LRRTM4: variants seen among roughly 807,000 people sequenced by gnomAD.
LRRTM4 encodes leucine-rich repeat transmembrane neuronal protein 4.
Under a neutral mutation model 47.6 loss-of-function variants are expected in LRRTM4, and 25 were observed. The ratio of observed to expected loss-of-function variants is 0.53; its 90% CI spans 0.38 to 0.73. LRRTM4 has a LOEUF of 0.73. Ranked by LOEUF, LRRTM4 falls within the 30% of genes least tolerant of loss-of-function variation. The pLI is 0.00. For missense variants in LRRTM4, 638 were observed against 713.4 expected, an observed-to-expected ratio of 0.89 and a Z score of 1.20; for synonymous variants, 311 against 269.5, an observed-to-expected ratio of 1.15 and a Z score of -1.51.
intron 3 of LRRTM4, among the ~76,000 whole-genome samples, chr2:77,498,986 G>C (rs1282230812): frequency 6.6e-6 from 1 of 151,794 alleles, no homozygotes; most frequent in Non-Finnish European, 1.5e-5. Flanking sequence ...TCCAACTCCT[G>C]AAGTTTCAGG....
intron 3 of LRRTM4, among the ~76,000 whole-genome samples, chr2:76,911,844 TTGTG>T (rs970838591): frequency 6.6e-6 from 1 of 150,726 alleles, no homozygotes; most frequent in Non-Finnish European, 1.5e-5. Flanking sequence ...GTGTGTATAT[TTGTG>T]TGTGTCTGTG....
At chr2:77,079,344 TAC>T (rs1045697404) in intron 3 of LRRTM4, among the ~76,000 whole-genome samples, 1 of 152,182 alleles carries the variant, frequency 6.6e-6, no homozygotes, top group African/African-American at 2.4e-5. Flanking sequence ...TTTTTGTAAA[TAC>T]AGTTTTATTG....
intron 3 of LRRTM4, among the ~76,000 whole-genome samples, chr2:76,806,920 C>T (rs1426434209): frequency 6.6e-6 from 1 of 151,960 alleles, no homozygotes; most frequent in African/African-American, 2.4e-5. Context: ...ATACCAATGA[C>T]TTATAAACTT....
intron 3 of LRRTM4, among the ~76,000 whole-genome samples, chr2:77,188,397 C>T (rs1007495328): frequency 7.2e-5 from 11 of 152,126 alleles, no homozygotes; most frequent in Non-Finnish European, 1.5e-4. Flanking sequence ...ATTTTTCCTT[C>T]ACATTCTCTA....
chr2:76,921,997 C>A (rs1674447138), intron 3 of LRRTM4, among the ~76,000 whole-genome samples: 1 of 152,070 alleles, frequency 6.6e-6, no homozygotes, highest in South Asian at 2.1e-4. Context: ...TGGAAATAAT[C>A]TTGCTATCTG....
intron 3 of LRRTM4, among the ~76,000 whole-genome samples, chr2:76,907,167 C>A (rs62170299): frequency 0.36 from 55,095 of 151,062 alleles, 10,986 homozygotes; most frequent in East Asian, 0.71. Flanking sequence ...TGCAATCAAA[C>A]TAGAACTCAG....
chr2:77,517,216 G>T (rs931777482), intron 3 of LRRTM4: 7 of 984,760 alleles, frequency 7.1e-6, no homozygotes, highest in African/African-American at 1.7e-5. Context: ...TCCTGTAAGT[G>T]ATCTTTTAAA....
intron 3 of LRRTM4, among the ~76,000 whole-genome samples, chr2:76,960,036 G>T (rs2103909631): frequency 6.6e-6 from 1 of 151,502 alleles, no homozygotes; most frequent in Middle Eastern, 3.4e-3. Flanking sequence ...GGGCCTAAGG[G>T]CAAAACGACT....
chr2:76,805,117 T>A (rs1393345423), intron 3 of LRRTM4, among the ~76,000 whole-genome samples: 2 of 152,306 alleles, frequency 1.3e-5, no homozygotes, highest in Middle Eastern at 3.4e-3. Context: ...TGAAGCCTCA[T>A]GGAGACAGGA....
intron 3 of LRRTM4, among the ~76,000 whole-genome samples, chr2:76,879,704 C>T (rs1361620230): frequency 6.6e-6 from 1 of 152,154 alleles, no homozygotes; most frequent in Non-Finnish European, 1.5e-5. Context: ...AAGCCTATAG[C>T]TGCCATAGTG....
chr2:76,944,213 C>G (rs1257396809), intron 3 of LRRTM4, among the ~76,000 whole-genome samples: 1 of 152,074 alleles, frequency 6.6e-6, no homozygotes, highest in Non-Finnish European at 1.5e-5. Context: ...CATGCTGTCA[C>G]TACTCCTGGA....
chr2:77,217,598 T>A (rs1573091768), intron 3 of LRRTM4, among the ~76,000 whole-genome samples: 1 of 150,980 alleles, frequency 6.6e-6, no homozygotes, highest in South Asian at 2.1e-4. Context: ...TGTTTGGGGG[T>A]CATGTTGGTT....
intron 3 of LRRTM4, among the ~76,000 whole-genome samples, chr2:76,769,923 T>A (rs915549364): frequency 5.3e-5 from 8 of 152,154 alleles, no homozygotes; most frequent in Non-Finnish European, 8.8e-5. Context: ...AGCAATAGCA[T>A]CAACTATAAA....
chr2:76,799,638 A>G (rs1158491940), intron 3 of LRRTM4, among the ~76,000 whole-genome samples: 40 of 135,618 alleles, frequency 2.9e-4, no homozygotes, highest in African/African-American at 8.9e-4. Context: ...AGGGTATTCA[A>G]TTAGGAAAAG....
intron 3 of LRRTM4, among the ~76,000 whole-genome samples, chr2:77,178,057 T>A (rs894817689): frequency 1.3e-5 from 2 of 152,186 alleles, no homozygotes; most frequent in Non-Finnish European, 2.9e-5. Flanking sequence ...CTTAGAAGAG[T>A]GCCTGACATA....
At chr2:77,343,679 T>C (rs1360644383) in intron 3 of LRRTM4, among the ~76,000 whole-genome samples, 1 of 151,936 alleles carries the variant, frequency 6.6e-6, no homozygotes, top group Non-Finnish European at 1.5e-5. Flanking sequence ...TAAGTACTTG[T>C]TTATGAAGCA....
At chr2:77,064,801 A>G (rs928528082) in intron 3 of LRRTM4, among the ~76,000 whole-genome samples, 1 of 152,036 alleles carries the variant, frequency 6.6e-6, no homozygotes, top group African/African-American at 2.4e-5. Flanking sequence ...GGACTTTTGG[A>G]TATGCTATCT....
intron 3 of LRRTM4, among the ~76,000 whole-genome samples, chr2:76,968,262 AAAC>A (rs929357555): frequency 7.4e-5 from 11 of 148,890 alleles, no homozygotes; most frequent in African/African-American, 2.2e-4. Context: ...TTTTTAAAAA[AAAC>A]AAATCTGGCA....
At chr2:76,945,219 C>T (rs1221301254) in intron 3 of LRRTM4, among the ~76,000 whole-genome samples, 3 of 152,044 alleles carry the variant, frequency 2.0e-5, no homozygotes, top group Non-Finnish European at 2.9e-5. Flanking sequence ...AAACAAGTAA[C>T]ATCAACTCTA....
Sources: allele counts gnomAD v4.1 joint callset (sites outside exome capture counted in the v4.1 genomes callset), GRCh38; gene constraint gnomAD v4.1.1; transcripts MANE v1.5; gene names NCBI Gene and HGNC (gene_info 2026-07-23, HGNC 2026-07-21).